PNRC1: variants seen among roughly 807,000 people sequenced by gnomAD.
PNRC1 encodes the protein proline-rich nuclear receptor coactivator 1.
Under a neutral mutation model 20.2 loss-of-function variants are expected in PNRC1, and 6 were observed. The observed-to-expected ratio is 0.30, with a 90% CI of 0.16 to 0.59. PNRC1 has a LOEUF of 0.59. Ranked by LOEUF, PNRC1 falls within the 20% of genes least tolerant of loss-of-function variation. The pLI is 0.89. For synonymous variants in PNRC1, 202 were observed against 186.9 expected (o/e 1.08, Z -0.66); for missense variants, 488 against 430.2 (o/e 1.13, Z -1.19).
rs1031559070 is a variant in PNRC1 at position 89,084,953 on chromosome 6, A to G, written c.*757A>G. 3.3e-5 allele frequency: 5 copies of G among 152,218 alleles called. No homozygotes were observed. The highest frequency in any genetic ancestry group is 7.3e-5 in the Non-Finnish European group (5 of 68,066). 9.4% of individuals were successfully genotyped at this position (152,218 alleles called of 1,614,324 possible). A position where few individuals can be genotyped will look rare whatever the true frequency, so the allele number is the denominator to read the frequency against. On this transcript the variant is annotated 3_prime_UTR_variant, in exon 2 of 2. Coordinates refer to ENST00000336032, the MANE Select transcript of PNRC1 (RefSeq NM_006813.3). ...CTTTACTGGCTGAGTGTGAGCCGCC[A>G]TGCCTGGCCATAATCTACATTTTCT...
In PNRC1 at chr6:89,081,351, G is replaced by T; in HGVS notation, c.457G>T (p.Ala153Ser). ...CGCCGCCTTGGCCCCGAGTCCTGCA[G>T]CCGCAGCCGGCACGGAGGGAGCCAG... ...PAAALAPSPA[A>S]AAGTEGASPD... Residue 153 changes from alanine to serine, a missense_variant, in exon 1 of 2, where the codon GCC becomes TCC. Ala to Ser is a moderately conservative substitution (Grantham distance 99, BLOSUM62 1). Coordinates refer to ENST00000336032, the MANE Select transcript of PNRC1 (RefSeq NM_006813.3). The T allele has an allele frequency of 1.4e-6, 2 of 1,444,378 alleles. No individual in the cohort carries two copies. The highest frequency in any genetic ancestry group is 3.0e-5 in the African/African-American group (2 of 66,672). 89.5% of individuals were successfully genotyped at this position (1,444,378 alleles called of 1,614,324 possible). A position where few individuals can be genotyped will look rare whatever the true frequency, so the allele number is the denominator to read the frequency against.
Position 89,081,316 on chromosome 6 carries a change from CG to C in PNRC1, c.425del (p.Gly142AlafsTer41). The C allele has an allele frequency of 6.8e-7, 1 of 1,467,576 alleles. No individual in the cohort carries two copies. Among genetic ancestry groups the C allele is most frequent in the South Asian group, 1.3e-5 (1 of 75,212 alleles). 90.9% of individuals were successfully genotyped at this position (1,467,576 alleles called of 1,614,324 possible). On this transcript the variant is annotated frameshift_variant, in exon 1 of 2. Coordinates refer to ENST00000336032, the MANE Select transcript of PNRC1 (RefSeq NM_006813.3). LOFTEE classifies it high-confidence loss of function. ...ATGPSGAQEVPGPAAALAPSP... is the reference protein window; with the variant it reads ...ATGPSGAQEVXGPAAALAPSP... ...GGCCCGAGCGGAGCGCAGGAGGTCC[CG>C]GGCCCGGCCGCCGCCTTGGCCCCGA...
In PNRC1 at chr6:89,082,984, G is replaced by C. The variant is rs139655242; in HGVS notation, c.541-769G>C. Among the ~76,000 whole-genome samples the C allele has an allele frequency of 3.3e-5, 5 of 149,680 alleles. 1 individual carries two copies. The highest frequency in any genetic ancestry group is 1.2e-4 in the African/African-American group (5 of 41,130). On this transcript the variant is annotated intron_variant, in intron 1 of 1. Coordinates refer to ENST00000336032, the MANE Select transcript of PNRC1 (RefSeq NM_006813.3). ...GAACAAGAGTGAACTTAAAAGTCAAGGGAAATTTAAGTTTTTTGTTGTTTT... is the reference window on the plus strand; with the variant it reads ...GAACAAGAGTGAACTTAAAAGTCAACGGAAATTTAAGTTTTTTGTTGTTTT...
intron 1 of PNRC1, among the ~76,000 whole-genome samples, chr6:89,083,003 T>TC (rs869080923): frequency 1.7e-5 from 1 of 57,962 alleles, no homozygotes; most frequent in East Asian, 1.8e-3. Flanking sequence ...AAGTTTTTTG[T>TC]TGTTTTTTTT....
rs1768079282 is a variant in PNRC1, at chr6:89,084,686, A to G, written c.*490A>G. 6.5e-6 allele frequency: 1 copy of G among 152,728 alleles called. No homozygotes were observed. The allele number at this position is 152,728 out of a possible 1,614,324, so 9.5% of individuals were successfully genotyped here. On this transcript the variant is annotated 3_prime_UTR_variant, in exon 2 of 2. Coordinates refer to ENST00000336032, the MANE Select transcript of PNRC1 (RefSeq NM_006813.3). ...TTCTCTAAATTGATTTGTAATCTGA[A>G]ATTACTGAACAACTCCTATTCCCAT...
rs1188685627 is a variant in PNRC1 at position 89,080,797 on chromosome 6, G to A, written c.-98G>A. 5.1e-6 allele frequency: 6 copies of A among 1,166,226 alleles called. No individual in the cohort carries two copies. The highest frequency in any genetic ancestry group is 7.5e-6 in the Non-Finnish European group (6 of 800,644). 72.2% of individuals were successfully genotyped at this position (1,166,226 alleles called of 1,614,324 possible). A position where few individuals can be genotyped will look rare whatever the true frequency, so the allele number is the denominator to read the frequency against. ...GAGTCATGTTCCGCGATCTTCTCAG[G>A]CTCTCCTAGCAGCATCCATCGCCGC... On this transcript the variant is annotated 5_prime_UTR_variant, in exon 1 of 2. Transcript: ENST00000336032.
chr6:89,080,822 C>T lies in PNRC1; in HGVS notation c.-73C>T. On this transcript the variant is annotated 5_prime_UTR_variant, in exon 1 of 2. Coordinates refer to ENST00000336032, the MANE Select transcript of PNRC1 (RefSeq NM_006813.3). ...GCTCTCCTAGCAGCATCCATCGCCGCCACCCTATCTTCACTGGCTTCATTC... is the reference window on the plus strand; with the variant it reads ...GCTCTCCTAGCAGCATCCATCGCCGTCACCCTATCTTCACTGGCTTCATTC... 6.9e-7 allele frequency: 1 copy of T among 1,451,890 alleles called. No individual in the cohort carries two copies. The highest frequency in any genetic ancestry group is 9.4e-7 in the Non-Finnish European group (1 of 1,061,916). The allele number at this position is 1,451,890 out of a possible 1,614,324, so 89.9% of individuals were successfully genotyped here.
At chr6:89,083,665 AAC>A in intron 1 of PNRC1, 86 bp from the exon 2 acceptor site, 1 of 1,022,972 alleles carries the variant, frequency 9.8e-7, no homozygotes, top group South Asian at 1.8e-5. Flanking sequence ...GGCAAACTTA[AAC>A]ACAACAAAAC....
Position 89,080,863 on chromosome 6 carries a change from C to T in PNRC1, c.-32C>T, listed in dbSNP as rs778727274. ...GGCTTCATTCACCTTCTCCTTCTCT[C>T]TTCGTTGCTGAGCGACAAGCTTCCT... On this transcript the variant is annotated 5_prime_UTR_variant, in exon 1 of 2. Transcript: ENST00000336032. 3 of 1,602,980 alleles carry T rather than the reference C, an allele frequency of 1.9e-6. No homozygotes were observed. Among genetic ancestry groups the T allele is most frequent in the East Asian group, 4.5e-5 (2 of 44,862 alleles).
intron 1 of PNRC1, 108 bp downstream of exon 1, chr6:89,081,542 G>T (rs1166931970): frequency 1.4e-5 from 5 of 368,922 alleles, no homozygotes; most frequent in African/African-American, 1.1e-4. Flanking sequence ...GGGGCGGGGT[G>T]GGGGGGGCGG....
intron 1 of PNRC1, among the ~76,000 whole-genome samples, chr6:89,083,015 T>C (rs1162137144): frequency 1.3e-5 from 2 of 151,930 alleles, no homozygotes; most frequent in Admixed American, 6.6e-5. Context: ...GTTTTTTTTT[T>C]CTTGAGACAG....
intron 1 of PNRC1, chr6:89,082,485 C>G (rs566327041): frequency 2.6e-5 from 4 of 152,340 alleles, no homozygotes; most frequent in African/African-American, 7.2e-5. Flanking sequence ...AATTCCACGA[C>G]TTTTGAAATA....
Position 89,081,329 on chromosome 6 carries a change from C to T in PNRC1, c.435C>T (p.Ala145=), listed in dbSNP as rs1213103453. The change falls in exon 1 of 2, where the codon GCC becomes GCT. Residue 145 remains alanine (A), a synonymous_variant. Transcript: ENST00000336032. ...CGCAGGAGGTCCCGGGCCCGGCCGC[C>T]GCCTTGGCCCCGAGTCCTGCAGCCG... ...SGAQEVPGPA[A]ALAPSPAAAA... 6.8e-7 allele frequency: 1 copy of T among 1,460,306 alleles called. No individual in the cohort carries two copies. The highest frequency in any genetic ancestry group is 8.9e-7 in the Non-Finnish European group (1 of 1,117,394). The allele number at this position is 1,460,306 out of a possible 1,614,324, so 90.5% of individuals were successfully genotyped here. A position where few individuals can be genotyped will look rare whatever the true frequency, so the allele number is the denominator to read the frequency against.
chr6:89,081,037 C>A lies in PNRC1; in HGVS notation c.143C>A (p.Pro48His), dbSNP rs1401423844. ...CCTCCTTTACCCCGGATCCCGGACC[C>A]CCGGGCACTGCCCCCGACCCTCTTC... ...APPPLPRIPD[P>H]RALPPTLFLP... The change falls in exon 1 of 2, where the codon CCC (proline) becomes CAC (histidine). Residue 48 changes from proline to histidine, a missense_variant. By Grantham distance (77) the Pro-to-His change is moderately conservative. Coordinates refer to ENST00000336032, the MANE Select transcript of PNRC1 (RefSeq NM_006813.3). 2 of 1,611,444 alleles carry A rather than the reference C, an allele frequency of 1.2e-6. No homozygotes were observed. Among genetic ancestry groups the A allele is most frequent in the African/African-American group, 2.7e-5 (2 of 74,944 alleles).
At chr6:89,083,439 T>A (rs376521585) in intron 1 of PNRC1, among the ~76,000 whole-genome samples, 1 of 152,136 alleles carries the variant, frequency 6.6e-6, no homozygotes, top group Non-Finnish European at 1.5e-5. Context: ...TAGGTCCCCA[T>A]CTCTCTCTCA....
In PNRC1 at chr6:89,080,958, G is replaced by T; in HGVS notation, c.64G>T (p.Gly22Cys). 6.2e-7 allele frequency: 1 copy of T among 1,613,348 alleles called. No homozygotes were observed. The part of the protein sequence containing the change: ...LVLGGRLAPL[G>C]FSSRGYFGAL... ...CCTGGGTGGCCGCCTTGCGCCGCTT[G>T]GCTTTTCCTCCCGAGGTTACTTTGG... The change falls in exon 1 of 2, where the codon GGC (glycine) becomes TGC (cysteine). Residue 22 changes from glycine to cysteine, a missense_variant. Coordinates refer to ENST00000336032, the MANE Select transcript of PNRC1 (RefSeq NM_006813.3).
rs1488658799 is a variant in PNRC1, at chr6:89,084,594, G to A, written c.*398G>A. 6.4e-6 allele frequency: 1 copy of A among 156,056 alleles called. No homozygotes were observed. The highest frequency in any genetic ancestry group is 1.4e-5 in the Non-Finnish European group (1 of 70,410). The allele number at this position is 156,056 out of a possible 1,614,324, so 9.7% of individuals were successfully genotyped here. On this transcript the variant is annotated 3_prime_UTR_variant, in exon 2 of 2. Transcript: ENST00000336032. The stretch of plus-strand genomic sequence containing the variant: ...AATCTCAAGGTGAAGATCTAAATGT[G>A]AACAGTTTACTAATGCACTACTGAA...
chr6:89,082,926 C>G (rs1768033195), intron 1 of PNRC1, among the ~76,000 whole-genome samples: 1 of 152,084 alleles, frequency 6.6e-6, no homozygotes, highest in South Asian at 2.1e-4. Flanking sequence ...ATACTGGTAA[C>G]TAGCAGTGGT....
rs1768052912 is a variant in PNRC1, at chr6:89,083,733, T to C, written c.541-20T>C. ...TTTTATCTAGAAACTATATTTACTT[T>C]TGTGTTCTTGTCTTTGTAGGTTTTA... is the stretch of plus-strand genomic sequence containing the variant. On this transcript the variant is annotated intron_variant, in intron 1 of 1. Transcript: ENST00000336032. The C allele has an allele frequency of 6.5e-7, 1 of 1,534,528 alleles. No individual in the cohort carries two copies. Among genetic ancestry groups the C allele is most frequent in the Admixed American group, 2.1e-5 (1 of 46,712 alleles).
Sources: allele counts gnomAD v4.1 joint callset (sites outside exome capture counted in the v4.1 genomes callset), GRCh38; gene constraint gnomAD v4.1.1; transcripts MANE v1.5; gene names NCBI Gene and HGNC (gene_info 2026-07-23, HGNC 2026-07-21).